HOXA3: variants seen among roughly 807,000 people sequenced by gnomAD.
HOXA3 encodes homeobox A3.
Under a neutral mutation model 30.3 loss-of-function variants are expected in HOXA3, and 8 were observed. That is an observed-to-expected ratio of 0.26 (90% CI 0.15 to 0.48). The LOEUF (loss-of-function observed/expected upper bound fraction) is 0.48. HOXA3 is among the 20% of genes least tolerant of loss of function. The pLI is 0.99. For missense variants in HOXA3, 653 were observed against 614.4 expected (o/e 1.06, Z -0.66); for synonymous variants, 323 against 273.1 (o/e 1.18, Z -1.80).
chr7:27,148,601 T>A (rs1782868781), intron 1 of HOXA3, among the ~76,000 whole-genome samples: 1 of 152,206 alleles, frequency 6.6e-6, no homozygotes, highest in Non-Finnish European at 1.5e-5. Context: ...AAAGCACTCC[T>A]TCCAGCTGGG....
chr7:27,130,191 G>A, intron 2 of HOXA3: 2 of 1,583,280 alleles, frequency 1.3e-6, no homozygotes, highest in Non-Finnish European at 1.7e-6. Flanking sequence ...GCGGGCTCTT[G>A]TCGGCCAAGA....
At chr7:27,112,581 G>A (rs1261869358) in intron 4 of HOXA3, among the ~76,000 whole-genome samples, 2 of 152,192 alleles carry the variant, frequency 1.3e-5, no homozygotes, top group Non-Finnish European at 2.9e-5. Context: ...ATGGTTGAAA[G>A]TAAATAAAGG....
chr7:27,108,748 C>A lies in HOXA3; in HGVS notation c.527-28G>T. The A allele has an allele frequency of 1.3e-6, 2 of 1,539,978 alleles. No homozygotes were observed. Among genetic ancestry groups the A allele is most frequent in the South Asian group, 1.2e-5 (1 of 82,248 alleles). On this transcript the variant is annotated intron_variant, in intron 5 of 5. Transcript: ENST00000612286. This position sits in a 1 kb window ranked among gnomAD's most constrained non-coding sequence, Gnocchi z 5.0. ...GCGAGGACAGAGAGAGGAAGAGCGG[C>A]GTCAGGGGCTGCCGCGGCCCCGCCC...
At chr7:27,116,908 G>T (rs1177841066) in intron 4 of HOXA3, among the ~76,000 whole-genome samples, 1 of 152,168 alleles carries the variant, frequency 6.6e-6, no homozygotes, top group Non-Finnish European at 1.5e-5. Context: ...TCGTTCTGGG[G>T]TAGTAAATCC....
chr7:27,135,241 C>T (rs961553979), intron 2 of HOXA3, among the ~76,000 whole-genome samples: 1 of 151,554 alleles, frequency 6.6e-6, no homozygotes, highest in Non-Finnish European at 1.5e-5. Flanking sequence ...AGAAAATATT[C>T]TATTCTGTCC....
Position 27,147,309 on chromosome 7 carries a change from C to T in HOXA3, c.-494+4979G>A, listed in dbSNP as rs758732272. ...CCACTGTCTTGGGATATGTCTTACCCGCGCAGGAGTTCATCCGCTGCATCC... is the reference window on the plus strand; with the variant it reads ...CCACTGTCTTGGGATATGTCTTACCTGCGCAGGAGTTCATCCGCTGCATCC... On this transcript the variant is annotated intron_variant, in intron 1 of 5. Transcript: ENST00000612286. 9 of 1,612,688 alleles carry T rather than the reference C, an allele frequency of 5.6e-6. No homozygotes were observed. In the East Asian group the frequency reaches 6.7e-5, roughly 12 times the overall value.
rs548014314 is a variant in HOXA3, at chr7:27,146,948, G to A, written c.-494+5340C>T. Among the ~76,000 whole-genome samples the A allele has an allele frequency of 3.3e-5, 5 of 152,302 alleles. No homozygotes were observed. In the South Asian group the frequency reaches 1.0e-3, roughly 32 times the overall value. Reference sequence around the variant, plus strand: ...ATTTATCAGTGACGCAGTGCAAAAGGCCCTCTGGCTTGGGAAGCTGAGCAG... The same window carrying A: ...ATTTATCAGTGACGCAGTGCAAAAGACCCTCTGGCTTGGGAAGCTGAGCAG... On this transcript the variant is annotated intron_variant, in intron 1 of 5. Coordinates refer to ENST00000612286, the MANE Select transcript of HOXA3 (RefSeq NM_153631.3).
rs565107997 is a variant in HOXA3 at position 27,145,558 on chromosome 7, C to T, written c.-493-5372G>A. 48 of 1,474,964 alleles carry T rather than the reference C, an allele frequency of 3.3e-5. No individual in the cohort carries two copies. In the African/African-American group the frequency reaches 6.7e-4, roughly 21 times the overall value. 91.4% of individuals were successfully genotyped at this position (1,474,964 alleles called of 1,614,324 possible). A position where few individuals can be genotyped will look rare whatever the true frequency, so the allele number is the denominator to read the frequency against. On this transcript the variant is annotated intron_variant, in intron 1 of 5. Coordinates refer to ENST00000612286, the MANE Select transcript of HOXA3 (RefSeq NM_153631.3). ...GGCTCCCCTGAAGCTGCGGAAGCCC[C>T]CAGATGGGAGCAGGCGGGGAGAAAA...
chr7:27,114,937 A>G (rs1784633793), intron 4 of HOXA3, among the ~76,000 whole-genome samples: 1 of 139,470 alleles, frequency 7.2e-6, no homozygotes, highest in Non-Finnish European at 1.5e-5. Flanking sequence ...GGGCAAAAGA[A>G]AGGTCCGAAT....
intron 1 of HOXA3, chr7:27,147,903 G>A: frequency 1.4e-6 from 1 of 708,754 alleles, no homozygotes; most frequent in South Asian, 2.0e-5. Flanking sequence ...GCCAATGGGA[G>A]CGAACGCCGG....
At chr7:27,147,693 G>A (rs1179915216) in intron 1 of HOXA3, 3 of 1,613,462 alleles carry the variant, frequency 1.9e-6, no homozygotes, top group Non-Finnish European at 2.5e-6. Flanking sequence ...CCAAGAAGGA[G>A]TCCTGGCCGC....
chr7:27,122,438 TA>T, intron 4 of HOXA3, 120 bp downstream of exon 4: 1 of 152,144 alleles, frequency 6.6e-6, no homozygotes, highest in Non-Finnish European at 1.5e-5. Context: ...CCTCCGAAGT[TA>T]AATATTGACC....
In HOXA3 at chr7:27,108,208, G is replaced by A. The variant is rs781409624; in HGVS notation, c.1039C>T (p.His347Tyr). 31 of 1,534,664 alleles carry A rather than the reference G, an allele frequency of 2.0e-5. No individual in the cohort carries two copies. In the African/African-American group the frequency reaches 3.7e-4, roughly 18 times the overall value. ...TAGCTGCCGTTGCCCTGCAGGCCAT[G>A]AGCGTGCGGGTCATAGTCGGGGGTG... Reference protein sequence around the residue: ...GGTPDYDPHAHGLQGNGSYGT... With the variant: ...GGTPDYDPHAYGLQGNGSYGT... The change falls in exon 6 of 6, where the codon CAT (histidine) becomes TAT (tyrosine). Residue 347 changes from histidine (H) to tyrosine (Y), a missense_variant. By Grantham distance (83) the His-to-Tyr change is moderately conservative. This residue lies in a region of HOXA3 where 330 missense variants were observed against 274.4 expected (regional missense o/e 1.20). Transcript: ENST00000612286. The surrounding 1 kb of genome is among the most constrained non-coding windows in gnomAD (Gnocchi z 5.0).
At chr7:27,120,929 C>G (rs1439460786) in intron 4 of HOXA3, 2 of 152,232 alleles carry the variant, frequency 1.3e-5, no homozygotes, top group African/African-American at 4.8e-5. Context: ...AGCTGCCAGT[C>G]CCTCTTCACT....
chr7:27,147,235 C>A, intron 1 of HOXA3: 1 of 1,367,190 alleles, frequency 7.3e-7, no homozygotes, highest in Admixed American at 2.0e-5. Context: ...TCTTTCTACT[C>A]TGTTTCCTCC....
intron 5 of HOXA3, among the ~76,000 whole-genome samples, chr7:27,109,231 C>T (rs1165756727): frequency 6.6e-6 from 1 of 152,328 alleles, no homozygotes; most frequent in South Asian, 2.1e-4. Context: ...AACTGGAAGG[C>T]CTTCTCTGCC....
In HOXA3 at chr7:27,107,875, TG is replaced by T; in HGVS notation, c.*39del. Reference sequence around the variant, plus strand: ...AAAGCAACCAAAGAAAAAAGGTGGGTGGGGGGAGACTCTCCTGGCGCGTAGC... The same window carrying T: ...AAAGCAACCAAAGAAAAAAGGTGGGTGGGGGAGACTCTCCTGGCGCGTAGC... On this transcript the variant is annotated 3_prime_UTR_variant, in exon 6 of 6. Coordinates refer to ENST00000612286, the MANE Select transcript of HOXA3 (RefSeq NM_153631.3). 6 of 823,484 alleles carry T rather than the reference TG, an allele frequency of 7.3e-6. No homozygotes were observed. Among genetic ancestry groups the T allele is most frequent in the African/African-American group, 2.1e-5 (1 of 46,714 alleles). 51.0% of individuals were successfully genotyped at this position (823,484 alleles called of 1,614,324 possible).
chr7:27,149,749 A>C (rs1782905225), intron 1 of HOXA3, among the ~76,000 whole-genome samples: 1 of 152,266 alleles, frequency 6.6e-6, no homozygotes, highest in African/African-American at 2.4e-5. Context: ...TCAAAAAATT[A>C]AAAGGGACTT....
At chr7:27,128,996 A>C in intron 2 of HOXA3, 1 of 591,848 alleles carries the variant, frequency 1.7e-6, no homozygotes, top group Non-Finnish European at 3.0e-6. Flanking sequence ...GTTTCGGGCC[A>C]GCAGGTTGTT....
Sources: gnomAD v4.1 joint callset for allele counts (sites outside exome capture counted in the v4.1 genomes callset) on GRCh38, gnomAD v4.1.1 for gene constraint, gnomAD v4.1.1 regional missense constraint, Gnocchi (gnomAD v3.1) non-coding constraint, MANE v1.5 for transcripts, NCBI Gene and HGNC (gene_info 2026-07-23, HGNC 2026-07-21) for gene names.